The following BAG4 variants were observed in gnomAD, a reference collection of about 807,000 sequenced individuals.
BAG4 encodes BAG cochaperone 4.
BAG4 carries 28 observed loss-of-function variants against 52.1 expected under a neutral mutation model. That is an observed-to-expected ratio of 0.54 (90% CI 0.40 to 0.74). The LOEUF is 0.74. BAG4 is among the 30% of genes least tolerant of loss of function. The pLI is 0.00. For missense variants in BAG4, 525 were observed against 572.0 expected (o/e 0.92, Z 0.84); for synonymous variants, 208 against 217.0 (o/e 0.96, Z 0.37).
chr8:38,197,752 T>A (rs943038096), intron 2 of BAG4, among the ~76,000 whole-genome samples: 2 of 152,212 alleles, frequency 1.3e-5, no homozygotes, highest in African/African-American at 4.8e-5. Flanking sequence ...CAGACTGGGG[T>A]GCAGTGGCGT....
chr8:38,192,617 C>T, intron 1 of BAG4, 71 bp from the exon 2 acceptor site: 4 of 1,223,086 alleles, frequency 3.3e-6, no homozygotes, highest in Non-Finnish European at 4.6e-6. Context: ...TTATAACCTG[C>T]CTCTATCAAT....
chr8:38,188,621 G>A (rs1205454143), intron 1 of BAG4, among the ~76,000 whole-genome samples: 1 of 145,886 alleles, frequency 6.9e-6, no homozygotes, highest in East Asian at 2.0e-4. Flanking sequence ...ATATATACAT[G>A]TACACATATA....
At position 38,211,638 on chromosome 8, in the gene BAG4, T is replaced by TA. The variant is rs1315880636; in HGVS notation, c.*1146dup. On this transcript the variant is annotated 3_prime_UTR_variant, in exon 5 of 5. Coordinates refer to ENST00000287322, the MANE Select transcript of BAG4 (RefSeq NM_004874.4). The stretch of plus-strand genomic sequence containing the variant: ...GCTCAGGGAATGAATCAGCCATAGT[T>TA]AGAGTGGGAAATTATTATTTTCTTC... 2 of 152,038 alleles carry TA rather than the reference T, an allele frequency of 1.3e-5. No homozygotes were observed. Among genetic ancestry groups the TA allele is most frequent in the African/African-American group, 4.8e-5 (2 of 41,404 alleles). The allele number at this position is 152,038 out of a possible 1,614,324, so 9.4% of individuals were successfully genotyped here.
intron 1 of BAG4, among the ~76,000 whole-genome samples, chr8:38,178,641 T>G (rs1049779678): frequency 6.6e-6 from 1 of 152,254 alleles, no homozygotes; most frequent in Non-Finnish European, 1.5e-5. Context: ...AATGAACTGC[T>G]GATGCATGCT....
intron 2 of BAG4, among the ~76,000 whole-genome samples, chr8:38,194,036 C>T (rs1490505898): frequency 1.3e-5 from 2 of 151,668 alleles, no homozygotes; most frequent in African/African-American, 2.4e-5. Flanking sequence ...CACGCCCGGC[C>T]AGTTTTTGGA....
At chr8:38,181,560 A>C (rs1803272248) in intron 1 of BAG4, among the ~76,000 whole-genome samples, 1 of 151,354 alleles carries the variant, frequency 6.6e-6, no homozygotes, top group African/African-American at 2.4e-5. Flanking sequence ...AACGTGGTGA[A>C]ACCCCGTCTC....
chr8:38,191,005 G>A (rs1423616990), intron 1 of BAG4, among the ~76,000 whole-genome samples: 5 of 152,052 alleles, frequency 3.3e-5, no homozygotes, highest in Admixed American at 6.6e-5. Context: ...TGATCCACCC[G>A]CGTCAGGCCT....
intron 2 of BAG4, among the ~76,000 whole-genome samples, chr8:38,205,357 CAAT>C (rs1324032990): frequency 6.6e-6 from 1 of 151,792 alleles, no homozygotes; most frequent in East Asian, 1.9e-4. Context: ...CTAGCCATAA[CAAT>C]AAAATTTGAA....
Position 38,192,725 on chromosome 8 carries a change from G to A in BAG4, c.308G>A (p.Trp103Ter), listed in dbSNP as rs143482634. The A allele has an allele frequency of 2.1e-4, 342 of 1,612,684 alleles. 1 individual carries two copies. The highest frequency in any genetic ancestry group is 1.2e-4 in the Admixed American group (7 of 59,752). Residue 103 changes from tryptophan to a stop codon, truncating the protein, a stop_gained, in exon 2 of 5, where the codon TGG (tryptophan) becomes TAG (stop). Transcript: ENST00000287322. LOFTEE classifies it high-confidence loss of function. ...TATCCTAGCTACAATTCTAACTATT[G>A]GAATTCTACTGCGAGATCTAGGGCT... ...PPYPSYNSNY[W>*]NSTARSRAPY...
Position 38,209,030 on chromosome 8 carries a change from G to A in BAG4, c.651G>A (p.Leu217=). 6.2e-7 allele frequency: 1 copy of A among 1,613,960 alleles called. No homozygotes were observed. Among genetic ancestry groups the A allele is most frequent in the East Asian group, 2.2e-5 (1 of 44,880 alleles). The change falls in exon 4 of 5, where the codon CTG becomes CTA. Residue 217 remains leucine (L), a synonymous_variant. Coordinates refer to ENST00000287322, the MANE Select transcript of BAG4 (RefSeq NM_004874.4). The part of the protein sequence containing the change: ...YPPSQNPGMT[L]PHYPYGDGNR... ...CAATCTAGAACCCTGGAATGACCCTGCCCCATTATCCTTATGGAGATGGTA... is the reference window on the plus strand; with the variant it reads ...CAATCTAGAACCCTGGAATGACCCTACCCCATTATCCTTATGGAGATGGTA...
intron 2 of BAG4, among the ~76,000 whole-genome samples, chr8:38,197,343 A>G (rs557711691): frequency 6.6e-6 from 1 of 152,352 alleles, no homozygotes; most frequent in African/African-American, 2.4e-5. Context: ...CTTCTAGGCT[A>G]CAAACCTGTA....
chr8:38,196,795 G>A (rs1803568145), intron 2 of BAG4, among the ~76,000 whole-genome samples: 3 of 151,548 alleles, frequency 2.0e-5, no homozygotes, highest in Admixed American at 2.0e-4. Context: ...AGATTCTTTG[G>A]GCCTGGTGCG....
Position 38,207,612 on chromosome 8 carries a change from A to G in BAG4, c.479A>G (p.Tyr160Cys). Reference protein sequence around the residue: ...SYSGAYYAPGYTQTSYSTEVP... With the variant: ...SYSGAYYAPGCTQTSYSTEVP... ...TCAGGGGCTTATTATGCACCTGGTT[A>G]TACTCAGACCAGTTACTCCACAGAA... is the stretch of plus-strand genomic sequence containing the variant. The change falls in exon 3 of 5, where the codon TAT becomes TGT. Residue 160 changes from tyrosine (Y) to cysteine (C), a missense_variant. By Grantham distance (194) the Tyr-to-Cys change is radical. This residue lies in a region of BAG4 where 287 missense variants were observed against 266.1 expected (regional missense o/e 1.08). Coordinates refer to ENST00000287322, the MANE Select transcript of BAG4 (RefSeq NM_004874.4). The G allele has an allele frequency of 5.0e-6, 8 of 1,614,050 alleles. No individual in the cohort carries two copies. The highest frequency in any genetic ancestry group is 6.8e-6 in the Non-Finnish European group (8 of 1,179,998).
chr8:38,181,501 C>T (rs1040087364), intron 1 of BAG4, among the ~76,000 whole-genome samples: 2 of 152,016 alleles, frequency 1.3e-5, no homozygotes, highest in Non-Finnish European at 2.9e-5. Context: ...CTTTGGGAGG[C>T]TGAGGCAGGC....
rs1803851992 is a variant in BAG4, at chr8:38,210,598, A to G, written c.*105A>G. The G allele has an allele frequency of 5.1e-6, 7 of 1,362,030 alleles. No homozygotes were observed. In the South Asian group the frequency reaches 8.0e-5, roughly 16 times the overall value. 84.4% of individuals were successfully genotyped at this position (1,362,030 alleles called of 1,614,324 possible). The stretch of plus-strand genomic sequence containing the variant: ...ATGCCTGTTGATGACAAGAAGCAAT[A>G]CATTCCAGCTTTCCTTTGATTTTAT... On this transcript the variant is annotated 3_prime_UTR_variant, in exon 5 of 5. Coordinates refer to ENST00000287322, the MANE Select transcript of BAG4 (RefSeq NM_004874.4).
chr8:38,198,812 T>G (rs912537075), intron 2 of BAG4, among the ~76,000 whole-genome samples: 1 of 152,070 alleles, frequency 6.6e-6, no homozygotes, highest in African/African-American at 2.4e-5. Flanking sequence ...AAACTGTTTG[T>G]GTTAAAAAGG....
chr8:38,199,205 ATCC>A (rs754943476), intron 2 of BAG4, among the ~76,000 whole-genome samples: 2 of 152,228 alleles, frequency 1.3e-5, no homozygotes, highest in Non-Finnish European at 2.9e-5. Context: ...GCATTGTGCT[ATCC>A]ATATGACAGC....
At chr8:38,208,239 T>A (rs1353270920) in intron 3 of BAG4, among the ~76,000 whole-genome samples, 10 of 150,676 alleles carry the variant, frequency 6.6e-5, no homozygotes, top group African/African-American at 2.2e-4. Context: ...CCTCCCAAAG[T>A]GCTGGGATTA....
chr8:38,205,703 G>C (rs1803759197), intron 2 of BAG4, among the ~76,000 whole-genome samples: 1 of 152,098 alleles, frequency 6.6e-6, no homozygotes, highest in African/African-American at 2.4e-5. Context: ...ATGCATTGCT[G>C]ACTGTTTATT....
Sources: allele counts gnomAD v4.1 joint callset (sites outside exome capture counted in the v4.1 genomes callset), GRCh38; gene constraint gnomAD v4.1.1; regional missense constraint gnomAD v4.1.1; transcripts MANE v1.5; gene names NCBI Gene and HGNC (gene_info 2026-07-23, HGNC 2026-07-21).